CLIP2: variants seen among roughly 807,000 people sequenced by gnomAD.
The protein encoded by CLIP2 is CAP-Gly domain-containing linker protein 2.
CLIP2 carries 41 observed loss-of-function variants against 111.7 expected under a neutral mutation model. That is an observed-to-expected ratio of 0.37 (90% CI 0.29 to 0.48). The LOEUF is 0.48. Ranked by LOEUF, CLIP2 falls within the 20% of genes least tolerant of loss-of-function variation. The pLI, the probability that CLIP2 is intolerant of heterozygous loss-of-function variation, is 0.99. For synonymous variants in CLIP2, 660 were observed against 644.2 expected (o/e 1.02, Z -0.37); for missense variants, 1,160 against 1,422.1 (o/e 0.82, Z 2.96).
At chr7:74,333,226 C>T (rs1468035871) in intron 2 of CLIP2, among the ~76,000 whole-genome samples, 1 of 152,162 alleles carries the variant, frequency 6.6e-6, no homozygotes, top group Non-Finnish European at 1.5e-5. Flanking sequence ...CTCTGTCGCC[C>T]AGGCTGGAAT....
intron 1 of CLIP2, among the ~76,000 whole-genome samples, chr7:74,302,791 GC>G: frequency 6.6e-6 from 1 of 152,338 alleles, no homozygotes; most frequent in East Asian, 1.9e-4. Flanking sequence ...CTGGGTTCCA[GC>G]CCTGGATCTG....
intron 2 of CLIP2, 144 bp downstream of exon 2, chr7:74,317,811 G>C: frequency 1.9e-6 from 2 of 1,080,438 alleles, no homozygotes; most frequent in South Asian, 3.2e-5. Flanking sequence ...AATGGGGCCT[G>C]ATCAACACTG....
chr7:74,397,016 G>A (rs1791469165), intron 13 of CLIP2, 58 bp from the exon 14 acceptor site: 1 of 1,584,742 alleles, frequency 6.3e-7, no homozygotes, highest in Non-Finnish European at 8.6e-7. Flanking sequence ...TTGCTAGAGT[G>A]TGGGAGCTGG....
intron 1 of CLIP2, among the ~76,000 whole-genome samples, chr7:74,310,672 T>G (rs1788619291): frequency 6.6e-6 from 1 of 152,158 alleles, no homozygotes; most frequent in Non-Finnish European, 1.5e-5. Flanking sequence ...TATTTTTGCT[T>G]CTCTTGGGTG....
intron 2 of CLIP2, among the ~76,000 whole-genome samples, chr7:74,337,072 G>A (rs1244383351): frequency 5.3e-5 from 8 of 151,832 alleles, no homozygotes; most frequent in African/African-American, 1.9e-4. Context: ...ATTTTTAGTA[G>A]AGACGGGGTT....
At chr7:74,336,022 G>A (rs1469655815) in intron 2 of CLIP2, among the ~76,000 whole-genome samples, 21 of 151,282 alleles carry the variant, frequency 1.4e-4, no homozygotes, top group Middle Eastern at 6.9e-3. Flanking sequence ...GATTACAGGC[G>A]TAAGCCACTG....
At chr7:74,357,851 G>A (rs1159728814) in intron 6 of CLIP2, among the ~76,000 whole-genome samples, 4 of 150,840 alleles carry the variant, frequency 2.7e-5, no homozygotes, top group Non-Finnish European at 5.9e-5. Flanking sequence ...CCACCTCCTC[G>A]GTTCAAGCGA....
chr7:74,383,941 T>C (rs1791011675), intron 11 of CLIP2, among the ~76,000 whole-genome samples: 1 of 152,218 alleles, frequency 6.6e-6, no homozygotes, highest in South Asian at 2.1e-4. Flanking sequence ...ATTTACTTTC[T>C]ATCTCTGTGG....
At chr7:74,315,918 G>A (rs189816848) in intron 1 of CLIP2, among the ~76,000 whole-genome samples, 12 of 150,568 alleles carry the variant, frequency 8.0e-5, no homozygotes, top group Admixed American at 1.3e-4. Context: ...ACATGTGCAG[G>A]ATGTGCAGGT....
Position 74,334,823 on chromosome 7 carries a change from CA to C in CLIP2, c.122-3609del, listed in dbSNP as rs34044824. 7.1e-3 allele frequency among the ~76,000 whole-genome samples: 945 copies of C among 133,014 alleles called. 5 individuals carry two copies. The highest frequency in any genetic ancestry group is 0.016 in the South Asian group (69 of 4,196). The allele number at this position is 133,014 out of a possible 152,430, so 87.3% of individuals were successfully genotyped here. ...GCAAAACCCCGTCTCTAATAAAATACAAAAAAAAAAAAAAAATAGCCTGGTG... is the reference window on the plus strand; with the variant it reads ...GCAAAACCCCGTCTCTAATAAAATACAAAAAAAAAAAAAAATAGCCTGGTG... On this transcript the variant is annotated intron_variant, in intron 2 of 16. Transcript: ENST00000223398.
intron 13 of CLIP2, 126 bp from the exon 14 acceptor site, chr7:74,396,948 A>T (rs1791466337): frequency 8.2e-7 from 1 of 1,213,882 alleles, no homozygotes; most frequent in Non-Finnish European, 1.1e-6. Context: ...CGTGGCACAG[A>T]TGCCATCTAG....
At chr7:74,377,348 C>T (rs920942443) in intron 10 of CLIP2, among the ~76,000 whole-genome samples, 7 of 152,184 alleles carry the variant, frequency 4.6e-5, no homozygotes, top group South Asian at 2.1e-4. Flanking sequence ...TGGGAGTTCC[C>T]GGAGTGGGGT....
intron 1 of CLIP2, among the ~76,000 whole-genome samples, chr7:74,315,852 G>A (rs1032677681): frequency 6.6e-5 from 10 of 151,132 alleles, no homozygotes; most frequent in South Asian, 2.1e-4. Context: ...GATTACAGGC[G>A]TGAGCCACCT....
rs781827370 is a variant in CLIP2, at chr7:74,338,998, C to T, written c.672C>T (p.Arg224=). ...RGEKDLRLGD[R]VLVGGTKTGV... is the part of the protein sequence containing the mutation. ...AAAAGGACCTGCGCCTGGGGGACCG[C>T]GTGCTGGTGAGTGCGGGCAGTACTG... is the stretch of plus-strand genomic sequence containing the variant. Residue 224 remains arginine, a synonymous_variant, in exon 3 of 17, where the codon CGC becomes CGT. Coordinates refer to ENST00000223398, the MANE Select transcript of CLIP2 (RefSeq NM_003388.5). This position sits in a 1 kb window ranked among gnomAD's most constrained non-coding sequence, Gnocchi z 4.3. The T allele has an allele frequency of 7.5e-6, 12 of 1,596,496 alleles. No homozygotes were observed. In the African/African-American group the frequency reaches 1.1e-4, roughly 14 times the overall value.
intron 11 of CLIP2, among the ~76,000 whole-genome samples, chr7:74,383,594 A>G (rs1791003335): frequency 6.6e-6 from 1 of 152,246 alleles, no homozygotes; most frequent in Non-Finnish European, 1.5e-5. Context: ...AACATAACAT[A>G]CAATCAGCCA....
At chr7:74,326,640 T>C (rs1327418212) in intron 2 of CLIP2, among the ~76,000 whole-genome samples, 1 of 147,050 alleles carries the variant, frequency 6.8e-6, no homozygotes, top group Non-Finnish European at 1.5e-5. Context: ...CCCAGAGCAT[T>C]TTTTTTTTTT....
At chr7:74,294,335 G>A (rs1788112498) in intron 1 of CLIP2, among the ~76,000 whole-genome samples, 2 of 152,198 alleles carry the variant, frequency 1.3e-5, no homozygotes, top group Non-Finnish European at 2.9e-5. Context: ...GCTTCAAAAT[G>A]TTAATGAAAC....
At chr7:74,351,426 C>CAAAAAAAAAAAAAAAAAAA (rs55952428) in intron 3 of CLIP2, among the ~76,000 whole-genome samples, 1 of 65,936 alleles carries the variant, frequency 1.5e-5, no homozygotes, top group African/African-American at 4.7e-5. Flanking sequence ...ATTCCAGTGT[C>CAAAAAAAAAAAAAAAAAAA]AAAAAAAAAA....
At chr7:74,390,148 GAA>G (rs1267783068) in intron 13 of CLIP2, among the ~76,000 whole-genome samples, 664 of 57,336 alleles carry the variant, frequency 0.012, 10 homozygotes, top group African/African-American at 0.024. Context: ...AAGAAAGAAA[GAA>G]AAAGAAAGAA....
Sources: allele counts gnomAD v4.1 joint callset (sites outside exome capture counted in the v4.1 genomes callset), GRCh38; gene constraint gnomAD v4.1.1; non-coding constraint Gnocchi (gnomAD v3.1); transcripts MANE v1.5; gene names NCBI Gene and HGNC (gene_info 2026-07-23, HGNC 2026-07-21).